PLXDC2: variants seen among roughly 807,000 people sequenced by gnomAD.
PLXDC2 encodes the protein plexin domain-containing protein 2.
PLXDC2 carries 40 observed loss-of-function variants against 68.9 expected under a neutral mutation model. The observed-to-expected ratio is 0.58, with a 90% CI of 0.45 to 0.76. PLXDC2 has a LOEUF of 0.76. PLXDC2 is among the 30% of genes least tolerant of loss of function. The pLI is 0.00. For missense variants in PLXDC2, 644 were observed against 661.9 expected, an observed-to-expected ratio of 0.97 and a Z score of 0.30; for synonymous variants, 243 against 234.2, an observed-to-expected ratio of 1.04 and a Z score of -0.34.
In PLXDC2 at chr10:19,978,375, T is replaced by C. The variant is rs991117986; in HGVS notation, c.113-23400T>C. Among the ~76,000 whole-genome samples the C allele has an allele frequency of 5.9e-5, 9 of 152,166 alleles. No individual in the cohort carries two copies. The South Asian group carries it at 1.2e-3, about 21-fold the overall frequency. ...GATTTTTTTCTTACTTTTTTCTTTA[T>C]AGTTTATTTTTATTCCACTGTTTAT... is the stretch of plus-strand genomic sequence containing the variant. On this transcript the variant is annotated intron_variant, in intron 1 of 13. Transcript: ENST00000377252.
intron 7 of PLXDC2, among the ~76,000 whole-genome samples, chr10:20,168,793 T>C (rs1834408550): frequency 6.6e-6 from 1 of 152,170 alleles, no homozygotes. Context: ...TAATTCTGAG[T>C]AATTTATAAA....
intron 6 of PLXDC2, among the ~76,000 whole-genome samples, chr10:20,155,507 A>G (rs1834205779): frequency 6.6e-6 from 1 of 152,194 alleles, no homozygotes; most frequent in Non-Finnish European, 1.5e-5. Flanking sequence ...CAAGGAAAAG[A>G]AAACCAGATT....
intron 4 of PLXDC2, among the ~76,000 whole-genome samples, chr10:20,107,555 G>A (rs1282201814): frequency 1.3e-5 from 2 of 152,098 alleles, no homozygotes; most frequent in East Asian, 3.9e-4. Context: ...GATTAAATCT[G>A]TCTTTACGAG....
chr10:19,993,427 C>A (rs1834784420), intron 1 of PLXDC2, among the ~76,000 whole-genome samples: 1 of 151,696 alleles, frequency 6.6e-6, no homozygotes, highest in Non-Finnish European at 1.5e-5. Context: ...TTTATTTATT[C>A]ATTTATTTTT....
intron 6 of PLXDC2, among the ~76,000 whole-genome samples, chr10:20,154,229 A>C (rs1029480702): frequency 2.6e-5 from 4 of 152,164 alleles, no homozygotes; most frequent in Non-Finnish European, 4.4e-5. Context: ...TTTGTGGTCT[A>C]TTGATAATGT....
intron 3 of PLXDC2, among the ~76,000 whole-genome samples, chr10:20,057,843 A>G (rs1836026005): frequency 6.6e-6 from 1 of 152,060 alleles, no homozygotes. Flanking sequence ...CGCTGTGTTG[A>G]GAAGCATCAA....
chr10:19,822,965 G>C lies in PLXDC2; in HGVS notation c.112+5774G>C, dbSNP rs942083692. Reference sequence around the variant, plus strand: ...GAGTCTCGCTGTTTCTCCCAGTCTGGAGTGCAGTGGCGCGATCTCAGCTCA... The same window carrying C: ...GAGTCTCGCTGTTTCTCCCAGTCTGCAGTGCAGTGGCGCGATCTCAGCTCA... On this transcript the variant is annotated intron_variant, in intron 1 of 13. Transcript: ENST00000377252. Among the ~76,000 whole-genome samples the C allele has an allele frequency of 2.0e-5, 3 of 151,774 alleles. No individual in the cohort carries two copies. In the South Asian group the frequency reaches 6.2e-4, roughly 32 times the overall value.
At chr10:19,981,067 G>C (rs539192226) in intron 1 of PLXDC2, among the ~76,000 whole-genome samples, 1 of 152,222 alleles carries the variant, frequency 6.6e-6, no homozygotes, top group East Asian at 1.9e-4. Flanking sequence ...AAAATCTTGT[G>C]TTATTTTTGT....
At chr10:20,033,553 G>A (rs1021084949) in intron 2 of PLXDC2, among the ~76,000 whole-genome samples, 12 of 152,232 alleles carry the variant, frequency 7.9e-5, no homozygotes, top group East Asian at 3.9e-4. Context: ...TCACAATCAC[G>A]GCACAATCAC....
At chr10:20,018,024 G>A (rs1835242698) in intron 2 of PLXDC2, among the ~76,000 whole-genome samples, 1 of 152,234 alleles carries the variant, frequency 6.6e-6, no homozygotes, top group African/African-American at 2.4e-5. Context: ...GGCCCAGGAT[G>A]CCAGATCTCC....
intron 9 of PLXDC2, among the ~76,000 whole-genome samples, chr10:20,198,279 A>G (rs776117280): frequency 6.6e-6 from 1 of 152,110 alleles, no homozygotes; most frequent in Non-Finnish European, 1.5e-5. Flanking sequence ...TGTCAGTGAA[A>G]ATGTTGTGTT....
intron 1 of PLXDC2, among the ~76,000 whole-genome samples, chr10:19,978,203 A>G (rs995713690): frequency 2.6e-5 from 4 of 152,260 alleles, no homozygotes; most frequent in South Asian, 4.2e-4. Flanking sequence ...AGTGAGTTTT[A>G]TAGTAATAGC....
intron 1 of PLXDC2, among the ~76,000 whole-genome samples, chr10:19,898,390 C>T (rs564418386): frequency 2.0e-5 from 3 of 152,266 alleles, no homozygotes; most frequent in African/African-American, 7.2e-5. Context: ...TCGCGCTGCA[C>T]TTACGAATTT....
chr10:19,905,404 A>G (rs1437173498), intron 1 of PLXDC2, among the ~76,000 whole-genome samples: 1 of 152,172 alleles, frequency 6.6e-6, no homozygotes, highest in African/African-American at 2.4e-5. Flanking sequence ...TGTAAATATT[A>G]TTTCTCCTAA....
At chr10:20,265,189 A>T (rs1337991325) in intron 13 of PLXDC2, among the ~76,000 whole-genome samples, 1 of 152,210 alleles carries the variant, frequency 6.6e-6, no homozygotes, top group East Asian at 1.9e-4. Context: ...ATTATTATCC[A>T]TGTGGAGGAA....
chr10:20,163,527 T>A (rs1392471109), intron 6 of PLXDC2, among the ~76,000 whole-genome samples: 1 of 152,184 alleles, frequency 6.6e-6, no homozygotes, highest in Non-Finnish European at 1.5e-5. Context: ...TAATATATTA[T>A]TTAATGAATT....
intron 4 of PLXDC2, among the ~76,000 whole-genome samples, chr10:20,069,412 C>T (rs2131707751): frequency 6.6e-6 from 1 of 152,210 alleles, no homozygotes; most frequent in East Asian, 1.9e-4. Context: ...CCTGTAGCTA[C>T]TTTGGAAGCT....
intron 11 of PLXDC2, among the ~76,000 whole-genome samples, chr10:20,217,986 T>C (rs1452916595): frequency 6.6e-6 from 1 of 152,112 alleles, no homozygotes; most frequent in Admixed American, 6.6e-5. Context: ...CAATAAATAA[T>C]TCTATTAATA....
chr10:20,022,541 T>C (rs540736067), intron 2 of PLXDC2, among the ~76,000 whole-genome samples: 7 of 152,284 alleles, frequency 4.6e-5, no homozygotes, highest in African/African-American at 9.6e-5. Context: ...CCATTATTTG[T>C]ATCATGGGTA....
Sources: allele counts gnomAD v4.1 joint callset (sites outside exome capture counted in the v4.1 genomes callset), GRCh38; gene constraint gnomAD v4.1.1; transcripts MANE v1.5; gene names NCBI Gene and HGNC (gene_info 2026-07-23, HGNC 2026-07-21).